The following RAD54L2 variants were observed in gnomAD, a reference collection of about 807,000 sequenced individuals.
The protein encoded by RAD54L2 is RAD54 like 2, also known as helicase ARIP4.
In RAD54L2, 27 loss-of-function variants were observed where a neutral mutation model predicts 138.4. The ratio of observed to expected loss-of-function variants is 0.20; its 90% CI spans 0.14 to 0.27. The LOEUF (loss-of-function observed/expected upper bound fraction) is 0.27. RAD54L2 is among the 10% of genes least tolerant of loss of function. The pLI, the probability that RAD54L2 is intolerant of heterozygous loss-of-function variation, is 1.00. For missense variants in RAD54L2, 1,396 were observed against 1,890.2 expected, an observed-to-expected ratio of 0.74 and a Z score of 4.85; for synonymous variants, 644 against 723.2, an observed-to-expected ratio of 0.89 and a Z score of 1.76.
At chr3:51,634,063 C>T (rs764976433) in intron 9 of RAD54L2, 28 bp downstream of exon 9, 4 of 1,606,408 alleles carry the variant, frequency 2.5e-6, no homozygotes, top group Non-Finnish European at 2.5e-6. Flanking sequence ...TCCTCTCTGC[C>T]CCTTTCCTTT....
chr3:51,664,970 T>A lies in RAD54L2; in HGVS notation c.*1550T>A, dbSNP rs1014287361. 7 of 152,158 alleles carry A rather than the reference T, an allele frequency of 4.6e-5. No individual in the cohort carries two copies. The highest frequency in any genetic ancestry group is 7.3e-5 in the Non-Finnish European group (5 of 68,060). 9.4% of individuals were successfully genotyped at this position (152,158 alleles called of 1,614,324 possible). On this transcript the variant is annotated 3_prime_UTR_variant, in exon 23 of 23. Coordinates refer to ENST00000684192, the MANE Select transcript of RAD54L2 (RefSeq NM_015106.4). ...TTCGAAAATATCTTCAGGTGGTCCATGTAGGCCTGGTGTCTGCTGCCTCCA... is the reference window on the plus strand; with the variant it reads ...TTCGAAAATATCTTCAGGTGGTCCAAGTAGGCCTGGTGTCTGCTGCCTCCA...
At chr3:51,542,140 C>T (rs1229008646) in intron 2 of RAD54L2, among the ~76,000 whole-genome samples, 9 of 152,176 alleles carry the variant, frequency 5.9e-5, no homozygotes, top group African/African-American at 2.2e-4. Context: ...CCTTGATAAG[C>T]TGTTAACCTC....
At chr3:51,660,986 T>C (rs1385808579) in intron 22 of RAD54L2, among the ~76,000 whole-genome samples, 1 of 143,334 alleles carries the variant, frequency 7.0e-6, no homozygotes, top group African/African-American at 2.6e-5. Context: ...CAGAGTCTCG[T>C]TCTGTCACCC....
chr3:51,608,315 C>G (rs895825916), intron 3 of RAD54L2, among the ~76,000 whole-genome samples: 28 of 151,284 alleles, frequency 1.9e-4, no homozygotes, highest in Non-Finnish European at 3.2e-4. Flanking sequence ...GGATGACGGC[C>G]GGGAAGAGGC....
intron 15 of RAD54L2, 94 bp downstream of exon 15, chr3:51,641,961 A>G (rs1027284099): frequency 1.2e-6 from 1 of 850,694 alleles, no homozygotes; most frequent in South Asian, 1.7e-5. Flanking sequence ...CACTCCATCA[A>G]ATGCATAGGA....
chr3:51,608,383 T>G (rs1577421381), intron 3 of RAD54L2, among the ~76,000 whole-genome samples: 1 of 137,704 alleles, frequency 7.3e-6, no homozygotes, highest in Admixed American at 7.3e-5. Context: ...TCCCAGACGA[T>G]GGGCGGCCAG....
chr3:51,579,361 G>A (rs969599640), intron 2 of RAD54L2, among the ~76,000 whole-genome samples: 2 of 152,076 alleles, frequency 1.3e-5, no homozygotes, highest in African/African-American at 4.8e-5. Flanking sequence ...CTCACTTTGG[G>A]CCATGGTTCC....
chr3:51,640,356 T>C (rs1249421767), intron 14 of RAD54L2, among the ~76,000 whole-genome samples: 1 of 152,234 alleles, frequency 6.6e-6, no homozygotes, highest in Non-Finnish European at 1.5e-5. Context: ...ATCTGTCCTT[T>C]TACAGAAAAT....
chr3:51,559,532 G>T (rs1699052216), intron 2 of RAD54L2, among the ~76,000 whole-genome samples: 1 of 152,122 alleles, frequency 6.6e-6, no homozygotes, highest in Non-Finnish European at 1.5e-5. Context: ...CTTTGCATCT[G>T]GGTTATTCTA....
At chr3:51,640,518 C>T (rs1260876480) in intron 14 of RAD54L2, among the ~76,000 whole-genome samples, 1 of 152,178 alleles carries the variant, frequency 6.6e-6, no homozygotes, top group Non-Finnish European at 1.5e-5. Context: ...GGCTTGACTC[C>T]CCAGGAAAAC....
At chr3:51,578,344 G>A (rs1699528648) in intron 2 of RAD54L2, among the ~76,000 whole-genome samples, 1 of 152,098 alleles carries the variant, frequency 6.6e-6, no homozygotes, top group Non-Finnish European at 1.5e-5. Context: ...TCCTTGAGAG[G>A]AAAAGGATTG....
chr3:51,613,522 A>G (rs533692255), intron 3 of RAD54L2, among the ~76,000 whole-genome samples: 3 of 152,280 alleles, frequency 2.0e-5, no homozygotes, highest in Non-Finnish European at 4.4e-5. Flanking sequence ...TAATCCCAGC[A>G]CTTTGGGAGG....
At chr3:51,591,968 G>A (rs940185227) in intron 3 of RAD54L2, among the ~76,000 whole-genome samples, 5 of 150,986 alleles carry the variant, frequency 3.3e-5, no homozygotes, top group African/African-American at 9.7e-5. Context: ...ATGCTTCTGC[G>A]GACTTTACTA....
chr3:51,559,327 G>A (rs1699047966), intron 2 of RAD54L2, among the ~76,000 whole-genome samples: 1 of 152,180 alleles, frequency 6.6e-6, no homozygotes, highest in South Asian at 2.1e-4. Context: ...AATGAGGGTA[G>A]AACATTTGGC....
Position 51,662,826 on chromosome 3 carries a change from G to A in RAD54L2, c.3810G>A (p.Arg1270=). ...CTGCTGCCCAGGAGTCATCCCGCCG[G>A]CGGTCCAGGAAGGGTCATCTGCCAG... ...TPPAAQESSR[R]RSRKGHLPAP... is the part of the protein sequence containing the mutation. Residue 1270 remains arginine, a synonymous_variant, in exon 23 of 23, where the codon CGG becomes CGA. Coordinates refer to ENST00000684192, the MANE Select transcript of RAD54L2 (RefSeq NM_015106.4). This position sits in a 1 kb window ranked among gnomAD's most constrained non-coding sequence, Gnocchi z 4.6. The A allele has an allele frequency of 3.7e-6, 6 of 1,612,368 alleles. No individual in the cohort carries two copies. In the African/African-American group the frequency reaches 6.7e-5, roughly 18 times the overall value.
chr3:51,637,619 C>G lies in RAD54L2; in HGVS notation c.1682+116C>G. On this transcript the variant is annotated intron_variant, in intron 11 of 22. Coordinates refer to ENST00000684192, the MANE Select transcript of RAD54L2 (RefSeq NM_015106.4). This position sits in a 1 kb window ranked among gnomAD's most constrained non-coding sequence, Gnocchi z 5.9. ...GAGTAGGAGGGCCCCTTCCCTGGGG[C>G]AGTAGTAAAACTTTGCTTCCTGTGA... 4 of 1,037,170 alleles carry G rather than the reference C, an allele frequency of 3.9e-6. No individual in the cohort carries two copies. The highest frequency in any genetic ancestry group is 5.5e-6 in the Non-Finnish European group (4 of 732,886). 64.2% of individuals were successfully genotyped at this position (1,037,170 alleles called of 1,614,324 possible). A position where few individuals can be genotyped will look rare whatever the true frequency, so the allele number is the denominator to read the frequency against.
intron 2 of RAD54L2, among the ~76,000 whole-genome samples, chr3:51,560,014 A>C (rs1330422446): frequency 6.6e-6 from 1 of 152,216 alleles, no homozygotes; most frequent in Non-Finnish European, 1.5e-5. Context: ...GAATCCTCAC[A>C]GCACAGAGCT....
chr3:51,659,928 A>T, intron 21 of RAD54L2, 98 bp from the exon 22 acceptor site: 1 of 778,490 alleles, frequency 1.3e-6, no homozygotes, highest in Non-Finnish European at 2.1e-6. Context: ...ACCTAATTGT[A>T]TAGCTATTTA....
rs750803586 is a variant in RAD54L2, at chr3:51,637,350, G to A, written c.1529G>A (p.Arg510His). ...TACTGGTGCATGGTGGACTTTGTGC[G>A]CCCAGACTTCCTTGGCACCCGGCAG... ...IEYWCMVDFV[R>H]PDFLGTRQEF... is the part of the protein sequence containing the mutation. The change falls in exon 11 of 23, where the codon CGC (arginine) becomes CAC (histidine). Residue 510 changes from arginine to histidine, a missense_variant. By Grantham distance (29) the Arg-to-His change is conservative. Around this residue, in one of 7 missense-constraint regions of RAD54L2, gnomAD observed 36 missense variants for 107.2 expected, o/e 0.34. Transcript: ENST00000684192. This position sits in a 1 kb window ranked among gnomAD's most constrained non-coding sequence, Gnocchi z 5.9. 3.1e-6 allele frequency: 5 copies of A among 1,613,440 alleles called. No homozygotes were observed. Among genetic ancestry groups the A allele is most frequent in the South Asian group, 2.2e-5 (2 of 90,928 alleles).
Sources: allele counts gnomAD v4.1 joint callset (sites outside exome capture counted in the v4.1 genomes callset), GRCh38; gene constraint gnomAD v4.1.1; regional missense constraint gnomAD v4.1.1; non-coding constraint Gnocchi (gnomAD v3.1); transcripts MANE v1.5; gene names NCBI Gene and HGNC (gene_info 2026-07-23, HGNC 2026-07-21).